The following ASCC3 variants were observed in gnomAD, a reference collection of about 807,000 sequenced individuals.
ASCC3 encodes the protein ASC-1 complex subunit P200.
Under a neutral mutation model 256.3 loss-of-function variants are expected in ASCC3, and 158 were observed. The observed-to-expected ratio is 0.62, with a 90% CI of 0.54 to 0.70. The LOEUF (loss-of-function observed/expected upper bound fraction) is 0.70, where lower values mean the gene tolerates loss of function less well. ASCC3 is among the 30% of genes least tolerant of loss of function. ASCC3 has a pLI of 0.00. For synonymous variants in ASCC3, 948 were observed against 883.4 expected (o/e 1.07, Z -1.30); for missense variants, 2,259 against 2,626.0 (o/e 0.86, Z 3.05).
At chr6:100,602,813 A>C (rs2114798702) in intron 33 of ASCC3, among the ~76,000 whole-genome samples, 1 of 152,274 alleles carries the variant, frequency 6.6e-6, no homozygotes, top group South Asian at 2.1e-4. Flanking sequence ...TAAAAAAGGA[A>C]GCAATGTTCA....
intron 1 of ASCC3, among the ~76,000 whole-genome samples, chr6:100,870,597 C>G (rs1301833955): frequency 6.6e-6 from 1 of 152,070 alleles, no homozygotes; most frequent in Non-Finnish European, 1.5e-5. Flanking sequence ...CAGTAAAGAA[C>G]TGGTATGAGG....
chr6:100,682,149 C>T (rs1256730309), intron 13 of ASCC3, among the ~76,000 whole-genome samples: 3 of 151,510 alleles, frequency 2.0e-5, no homozygotes, highest in Admixed American at 6.6e-5. Flanking sequence ...ATTTTACCAC[C>T]CAGAAAACCT....
chr6:100,856,368 T>C (rs756448924), intron 3 of ASCC3: 28 of 981,620 alleles, frequency 2.9e-5, no homozygotes, highest in East Asian at 1.1e-4. Flanking sequence ...GCAGGGTACA[T>C]AGGAGTTCTC....
At chr6:100,531,763 T>C (rs1421861678) in intron 37 of ASCC3, among the ~76,000 whole-genome samples, 1 of 152,170 alleles carries the variant, frequency 6.6e-6, no homozygotes, top group Non-Finnish European at 1.5e-5. Flanking sequence ...CCCATGTTTA[T>C]ATATAGTTGT....
In ASCC3 at chr6:100,583,162, T is replaced by A. The variant is rs1045875751; in HGVS notation, c.5550+6472A>T. Among the ~76,000 whole-genome samples, 23 of 152,344 alleles carry A rather than the reference T, an allele frequency of 1.5e-4. No homozygotes were observed. The East Asian group carries it at 3.7e-3, about 24-fold the overall frequency. ...ATTGGAATAGTTTCAGAAGGAATGG[T>A]ACCAGTTCCTCCTTGTACCTCTTGT... is the stretch of plus-strand genomic sequence containing the variant. On this transcript the variant is annotated intron_variant, in intron 36 of 41. Transcript: ENST00000369162.
intron 13 of ASCC3, among the ~76,000 whole-genome samples, chr6:100,694,906 T>C (rs1778013921): frequency 6.6e-6 from 1 of 152,172 alleles, no homozygotes; most frequent in African/African-American, 2.4e-5. Context: ...AGGGGCACTA[T>C]ATATTTAGTC....
At chr6:100,536,589 C>T (rs1775175195) in intron 37 of ASCC3, among the ~76,000 whole-genome samples, 1 of 152,216 alleles carries the variant, frequency 6.6e-6, no homozygotes, top group South Asian at 2.1e-4. Context: ...TCAAGCAATT[C>T]TCTCACCTTG....
At chr6:100,653,507 G>A (rs1380404612) in intron 17 of ASCC3, among the ~76,000 whole-genome samples, 3 of 151,638 alleles carry the variant, frequency 2.0e-5, no homozygotes, top group African/African-American at 7.3e-5. Context: ...GTATGGTGGT[G>A]CGCGCCTGTA....
At chr6:100,624,123 A>G (rs1387838250) in intron 30 of ASCC3, among the ~76,000 whole-genome samples, 1 of 152,062 alleles carries the variant, frequency 6.6e-6, no homozygotes, top group Non-Finnish European at 1.5e-5. Flanking sequence ...TAATAATAAA[A>G]AAAAAGACAC....
At chr6:100,783,723 A>G (rs886753309) in intron 8 of ASCC3, among the ~76,000 whole-genome samples, 5 of 152,238 alleles carry the variant, frequency 3.3e-5, no homozygotes, top group African/African-American at 1.2e-4. Flanking sequence ...CTAACTGAAC[A>G]CAAAAACTAC....
chr6:100,624,191 T>A (rs760079361), intron 30 of ASCC3, among the ~76,000 whole-genome samples: 16 of 151,628 alleles, frequency 1.1e-4, no homozygotes, highest in Admixed American at 2.0e-4. Context: ...AGGTGAAAGA[T>A]TAATATGTAT....
chr6:100,873,184 A>G (rs963789439), intron 1 of ASCC3, among the ~76,000 whole-genome samples: 7 of 152,202 alleles, frequency 4.6e-5, no homozygotes, highest in Non-Finnish European at 8.8e-5. Flanking sequence ...GACAACATAA[A>G]TAAGAAACGA....
At chr6:100,692,722 T>G (rs1228190976) in intron 13 of ASCC3, among the ~76,000 whole-genome samples, 2 of 152,030 alleles carry the variant, frequency 1.3e-5, no homozygotes, top group Non-Finnish European at 2.9e-5. Context: ...GAAATGGAAG[T>G]GAAGAAGCCA....
chr6:100,875,838 CG>C (rs1307516658), intron 1 of ASCC3, among the ~76,000 whole-genome samples: 3 of 150,868 alleles, frequency 2.0e-5, no homozygotes, highest in Non-Finnish European at 4.4e-5. Flanking sequence ...GAAGGATAAA[CG>C]CAAAGGGAGA....
rs1582831722 is a variant in ASCC3, at chr6:100,767,005, T to C, written c.1596+140A>G. 4 of 909,222 alleles carry C rather than the reference T, an allele frequency of 4.4e-6. No individual in the cohort carries two copies. In the South Asian group the frequency reaches 6.0e-5, roughly 14 times the overall value. The allele number at this position is 909,222 out of a possible 1,614,324, so 56.3% of individuals were successfully genotyped here. A position where few individuals can be genotyped will look rare whatever the true frequency, so the allele number is the denominator to read the frequency against. On this transcript the variant is annotated intron_variant, in intron 9 of 41. Coordinates refer to ENST00000369162, the MANE Select transcript of ASCC3 (RefSeq NM_006828.4). The stretch of plus-strand genomic sequence containing the variant: ...CAAATAAGAACTGCCTTAATAGTAA[T>C]GAAGTAAATCAAACAGTATTACTTA...
intron 26 of ASCC3, 63 bp from the exon 27 acceptor site, chr6:100,629,244 A>C (rs1774413491): frequency 1.4e-6 from 2 of 1,460,936 alleles, no homozygotes; most frequent in African/African-American, 2.8e-5. Context: ...TTGGAAATGC[A>C]AAAACCTATC....
At chr6:100,842,616 T>A (rs1391840421) in intron 4 of ASCC3, among the ~76,000 whole-genome samples, 2 of 152,170 alleles carry the variant, frequency 1.3e-5, no homozygotes, top group Non-Finnish European at 2.9e-5. Flanking sequence ...TCGAAAATAG[T>A]TATTTTTCAT....
intron 24 of ASCC3, among the ~76,000 whole-genome samples, 186 bp from the exon 25 acceptor site, chr6:100,639,007 C>T (rs1774983268): frequency 6.6e-6 from 1 of 151,646 alleles, no homozygotes. Flanking sequence ...ACCACATTTA[C>T]CATATTGACA....
chr6:100,703,489 C>T (rs117895110), intron 13 of ASCC3, among the ~76,000 whole-genome samples: 2,341 of 151,992 alleles, frequency 0.015, 24 homozygotes, highest in East Asian at 0.045. Context: ...TTATTAGTAT[C>T]CCCAATATGC....
Sources: gnomAD v4.1 joint callset for allele counts (sites outside exome capture counted in the v4.1 genomes callset) on GRCh38, gnomAD v4.1.1 for gene constraint, MANE v1.5 for transcripts, NCBI Gene and HGNC (gene_info 2026-07-23, HGNC 2026-07-21) for gene names.